The following CAMK2B variants were observed in gnomAD, a reference collection of about 807,000 sequenced individuals.
The protein encoded by CAMK2B is calcium/calmodulin-dependent protein kinase type II subunit beta.
Under a neutral mutation model 93.7 loss-of-function variants are expected in CAMK2B, and 27 were observed. The ratio of observed to expected loss-of-function variants is 0.29; its 90% CI spans 0.21 to 0.40. The LOEUF (loss-of-function observed/expected upper bound fraction) is 0.40. Ranked by LOEUF, CAMK2B falls within the 10% of genes least tolerant of loss-of-function variation. The pLI is 1.00. For synonymous variants in CAMK2B, 374 were observed against 358.8 expected (o/e 1.04, Z -0.48); for missense variants, 568 against 895.8 (o/e 0.63, Z 4.67).
At chr7:44,307,042 G>A in intron 1 of CAMK2B, among the ~76,000 whole-genome samples, 1 of 131,670 alleles carries the variant, frequency 7.6e-6, no homozygotes, top group Non-Finnish European at 1.6e-5. Flanking sequence ...AGGGAGAGGA[G>A]GCGGTGAGCA....
intron 2 of CAMK2B, among the ~76,000 whole-genome samples, chr7:44,273,029 G>A (rs3934630): frequency 0.2 from 30,861 of 152,174 alleles, 3,885 homozygotes; most frequent in Middle Eastern, 0.31. Flanking sequence ...GGAAGGCCCT[G>A]AACAGCCTAG....
chr7:44,253,762 T>A (rs2096803303), intron 5 of CAMK2B, among the ~76,000 whole-genome samples: 1 of 151,896 alleles, frequency 6.6e-6, no homozygotes. Flanking sequence ...GCCTGGCTAC[T>A]TTTTTTTAAG....
chr7:44,234,229 T>C (rs545320895), intron 15 of CAMK2B, among the ~76,000 whole-genome samples, 161 bp downstream of exon 15: 2 of 152,322 alleles, frequency 1.3e-5, no homozygotes, highest in East Asian at 3.9e-4. Flanking sequence ...TTCTCTCCAC[T>C]TCACCACCGG....
chr7:44,284,918 G>A (rs1021817906), intron 1 of CAMK2B, among the ~76,000 whole-genome samples: 1 of 152,214 alleles, frequency 6.6e-6, no homozygotes, highest in Admixed American at 6.5e-5. Context: ...ACAGCCTGGG[G>A]GTAGGGAGAG....
At chr7:44,260,463 C>T (rs1009332723) in intron 3 of CAMK2B, among the ~76,000 whole-genome samples, 5 of 152,220 alleles carry the variant, frequency 3.3e-5, no homozygotes, top group Non-Finnish European at 7.3e-5. Flanking sequence ...GAAGCCTCCA[C>T]AGAATCAGAA....
intron 19 of CAMK2B, 52 bp downstream of exon 19, chr7:44,228,744 C>T (rs538798039): frequency 2.0e-5 from 28 of 1,412,582 alleles, no homozygotes; most frequent in African/African-American, 1.5e-4. Flanking sequence ...GCCGGCCATT[C>T]GCAGGGAGCT....
At chr7:44,282,992 C>T (rs1380828521) in intron 2 of CAMK2B, among the ~76,000 whole-genome samples, 1 of 152,202 alleles carries the variant, frequency 6.6e-6, no homozygotes, top group Non-Finnish European at 1.5e-5. Flanking sequence ...GCTCCCTCTA[C>T]CAGGGCATCA....
rs1385535623 is a variant in CAMK2B, at chr7:44,286,835, A to G, written c.66-2610T>C. ...CAGGCAGCGCCGCTGAGGAAGGAGGAAGGCATGGCTGGGGGCCTCGGGATG... is the reference window on the plus strand; with the variant it reads ...CAGGCAGCGCCGCTGAGGAAGGAGGGAGGCATGGCTGGGGGCCTCGGGATG... On this transcript the variant is annotated intron_variant, in intron 1 of 23. Coordinates refer to ENST00000395749, the MANE Select transcript of CAMK2B (RefSeq NM_001220.5). The surrounding 1 kb of genome is among the most constrained non-coding windows in gnomAD (Gnocchi z 4.0). 6.6e-6 allele frequency among the ~76,000 whole-genome samples: 1 copy of G among 152,164 alleles called. No individual in the cohort carries two copies. Among genetic ancestry groups the G allele is most frequent in the Non-Finnish European group, 1.5e-5 (1 of 68,026 alleles).
rs559113322 is a variant in CAMK2B at position 44,273,888 on chromosome 7, A to G, written c.160+10243T>C. On this transcript the variant is annotated intron_variant, in intron 2 of 23. Transcript: ENST00000395749. ...CCAACCCAGCCCGAGGCCCAAGGCC[A>G]GGGAGCACAGCCCGAGGCCAGGGAG... Among the ~76,000 whole-genome samples, 13 of 152,292 alleles carry G rather than the reference A, an allele frequency of 8.5e-5. No homozygotes were observed. The South Asian group carries it at 2.7e-3, about 32-fold the overall frequency.
intron 10 of CAMK2B, 126 bp downstream of exon 10, chr7:44,242,092 C>G: frequency 8.5e-7 from 1 of 1,176,310 alleles, no homozygotes. Context: ...AAGGAGCACC[C>G]AGGGGACCCA....
At chr7:44,325,213 C>G (rs1168665029) in intron 1 of CAMK2B, 144 bp downstream of exon 1, 1 of 281,902 alleles carries the variant, frequency 3.5e-6, no homozygotes, top group Non-Finnish European at 5.3e-6. Context: ...CGGGGCCGCG[C>G]GGGGCCGTGC....
At chr7:44,306,772 C>T (rs73317776) in intron 1 of CAMK2B, among the ~76,000 whole-genome samples, 2,310 of 55,112 alleles carry the variant, frequency 0.042, 72 homozygotes, top group African/African-American at 0.13. Flanking sequence ...GAGGAGGATG[C>T]GAGCAGGGGA....
At chr7:44,275,057 G>A (rs34502399) in intron 2 of CAMK2B, among the ~76,000 whole-genome samples, 46,431 of 152,060 alleles carry the variant, frequency 0.31, 7,769 homozygotes, top group Non-Finnish European at 0.38. Flanking sequence ...CCACTGACAA[G>A]CCCCTGACCC....
chr7:44,229,283 AGCCAGGGTCCAC>A (rs2096554521), intron 18 of CAMK2B, 93 bp downstream of exon 18: 3 of 738,108 alleles, frequency 4.1e-6, no homozygotes, highest in Non-Finnish European at 6.6e-6. Flanking sequence ...ATGAGGCTGG[AGCCAGGGTCCAC>A]GCTCAGCCTG....
rs370893498 is a variant in CAMK2B, at chr7:44,313,027, G to A, written c.65+12330C>T. 2.6e-4 allele frequency among the ~76,000 whole-genome samples: 39 copies of A among 152,248 alleles called. 1 individual carries two copies. The East Asian group carries it at 6.2e-3, about 24-fold the overall frequency. The stretch of plus-strand genomic sequence containing the variant: ...GCTCAGCCACATTAATTTCCAGGGA[G>A]ACAGCAGGACCCTCGGGGCTGGTGC... On this transcript the variant is annotated intron_variant, in intron 1 of 23. Coordinates refer to ENST00000395749, the MANE Select transcript of CAMK2B (RefSeq NM_001220.5).
intron 11 of CAMK2B, 28 bp downstream of exon 11, chr7:44,241,672 T>C (rs1247723651): frequency 6.3e-6 from 10 of 1,578,326 alleles, no homozygotes; most frequent in Non-Finnish European, 7.8e-6. Flanking sequence ...AGCATGGCCG[T>C]GCCTGGGACT....
chr7:44,297,746 A>C (rs558788086), intron 1 of CAMK2B, among the ~76,000 whole-genome samples: 1 of 152,366 alleles, frequency 6.6e-6, no homozygotes, highest in East Asian at 1.9e-4. Context: ...TTGATATGGA[A>C]TCTCCAGGGA....
chr7:44,289,198 C>T (rs954434704), intron 1 of CAMK2B, among the ~76,000 whole-genome samples: 1 of 152,186 alleles, frequency 6.6e-6, no homozygotes, highest in African/African-American at 2.4e-5. Context: ...CACCAACCCC[C>T]ACGGAGCTCC....
intron 1 of CAMK2B, among the ~76,000 whole-genome samples, chr7:44,313,407 A>T (rs564332754): frequency 1.3e-4 from 20 of 151,626 alleles, no homozygotes; most frequent in African/African-American, 4.9e-4. Flanking sequence ...AGTAATGGGA[A>T]GCTACAGCCC....
Sources: gnomAD v4.1 joint callset for allele counts (sites outside exome capture counted in the v4.1 genomes callset) on GRCh38, gnomAD v4.1.1 for gene constraint, Gnocchi (gnomAD v3.1) non-coding constraint, MANE v1.5 for transcripts, NCBI Gene and HGNC (gene_info 2026-07-23, HGNC 2026-07-21) for gene names.